Variants in CNTN5 observed in about 807,000 individuals in gnomAD.
CNTN5 encodes the protein contactin 5, also known as contactin-5.
CNTN5 carries 77 observed loss-of-function variants against 129.1 expected under a neutral mutation model. The ratio of observed to expected loss-of-function variants is 0.60; its 90% CI spans 0.50 to 0.72. CNTN5 has a LOEUF of 0.72. Among genes scored for constraint, CNTN5 ranks in the 30% least tolerant of loss-of-function variants. The pLI, the probability that CNTN5 is intolerant of heterozygous loss-of-function variation, is 0.00. For synonymous variants in CNTN5, 509 were observed against 465.6 expected (o/e 1.09, Z -1.20); for missense variants, 1,478 against 1,328.8 (o/e 1.11, Z -1.75).
intron 6 of CNTN5, among the ~76,000 whole-genome samples, chr11:99,895,953 C>T (rs752306542): frequency 1.3e-5 from 2 of 152,194 alleles, no homozygotes; most frequent in Non-Finnish European, 2.9e-5. Context: ...GTCCTTGCCT[C>T]TGCAGCTCCT....
At chr11:99,577,274 T>C (rs1015150202) in intron 3 of CNTN5, among the ~76,000 whole-genome samples, 1 of 152,172 alleles carries the variant, frequency 6.6e-6, no homozygotes, top group African/African-American at 2.4e-5. Flanking sequence ...CTTGTGTCCT[T>C]TGACACATTA....
chr11:99,052,061 A>G (rs925199084), intron 1 of CNTN5, among the ~76,000 whole-genome samples: 1 of 151,906 alleles, frequency 6.6e-6, no homozygotes, highest in African/African-American at 2.4e-5. Context: ...TAGTTATGCT[A>G]AGGCAGTTGT....
chr11:99,054,470 C>G (rs557476962), intron 1 of CNTN5, among the ~76,000 whole-genome samples: 2 of 152,026 alleles, frequency 1.3e-5, no homozygotes, highest in African/African-American at 4.8e-5. Flanking sequence ...TCTATATGGA[C>G]TTACACTTGT....
In CNTN5 at chr11:99,675,013, G is replaced by GGTTTC. The variant is rs147793466; in HGVS notation, c.55+118748_55+118749insCGTTT. ...TCATTATATTAGGAGGCATTTTTCT[G>GGTTTC]GTTTTGTTTTGTTTTGTTTTGTTTT... On this transcript the variant is annotated intron_variant, in intron 3 of 24. Transcript: ENST00000524871. 2.7e-5 allele frequency among the ~76,000 whole-genome samples: 4 copies of GGTTTC among 149,578 alleles called. No homozygotes were observed. The South Asian group carries it at 8.5e-4, about 32-fold the overall frequency.
chr11:100,232,725 G>A (rs969002597), intron 16 of CNTN5, among the ~76,000 whole-genome samples: 6 of 152,100 alleles, frequency 3.9e-5, no homozygotes, highest in Non-Finnish European at 8.8e-5. Context: ...CTATGATCTA[G>A]CTAAACATGA....
At chr11:100,044,178 AT>A (rs1289842836) in intron 9 of CNTN5, among the ~76,000 whole-genome samples, 14 of 151,954 alleles carry the variant, frequency 9.2e-5, no homozygotes, top group African/African-American at 3.1e-4. Context: ...ATGTATATAT[AT>A]ATATACGTGA....
At chr11:99,637,473 C>T (rs1951605780) in intron 3 of CNTN5, among the ~76,000 whole-genome samples, 1 of 152,104 alleles carries the variant, frequency 6.6e-6, no homozygotes, top group East Asian at 1.9e-4. Context: ...TGGGAGAACT[C>T]ACATCCAGCT....
At chr11:99,659,586 G>GT (rs1459241775) in intron 3 of CNTN5, among the ~76,000 whole-genome samples, 2 of 152,142 alleles carry the variant, frequency 1.3e-5, no homozygotes, top group East Asian at 3.9e-4. Flanking sequence ...AATCTGTGGA[G>GT]TAGGCTGGCA....
intron 3 of CNTN5, among the ~76,000 whole-genome samples, chr11:99,803,491 A>C (rs905025448): frequency 6.6e-6 from 1 of 152,246 alleles, no homozygotes; most frequent in Non-Finnish European, 1.5e-5. Flanking sequence ...GGGTCACTAA[A>C]GAATTACTGA....
intron 1 of CNTN5, among the ~76,000 whole-genome samples, chr11:99,196,426 A>T (rs879672903): frequency 6.6e-6 from 1 of 151,914 alleles, no homozygotes; most frequent in South Asian, 2.1e-4. Flanking sequence ...CTGTGCATGT[A>T]TGCATTTTTC....
intron 18 of CNTN5, among the ~76,000 whole-genome samples, chr11:100,280,203 A>G (rs1950605678): frequency 6.6e-6 from 1 of 151,922 alleles, no homozygotes; most frequent in Admixed American, 6.6e-5. Context: ...TTTGGTCCAC[A>G]TTGTAAATTA....
chr11:99,281,779 T>G (rs2135890464), intron 1 of CNTN5, among the ~76,000 whole-genome samples: 1 of 152,208 alleles, frequency 6.6e-6, no homozygotes, highest in African/African-American at 2.4e-5. Flanking sequence ...TTATTAGAAC[T>G]ATTTTGAAGT....
At position 99,879,594 on chromosome 11, in the gene CNTN5, G is replaced by GTT. The variant is rs150022298; in HGVS notation, c.577+34339_577+34340dup. ...TAGTGCGAACTGTGTTTGAGTTTGG[G>GTT]TTTTTTTTCTGATTTGTTTCATTTT... On this transcript the variant is annotated intron_variant, in intron 6 of 24. Transcript: ENST00000524871. Among the ~76,000 whole-genome samples the GTT allele has an allele frequency of 2.0e-5, 3 of 151,694 alleles. No homozygotes were observed. The South Asian group carries it at 6.3e-4, about 32-fold the overall frequency.
chr11:100,110,443 C>T (rs924166681), intron 13 of CNTN5, among the ~76,000 whole-genome samples: 1 of 151,450 alleles, frequency 6.6e-6, no homozygotes, highest in East Asian at 1.9e-4. Flanking sequence ...TTTTCTGATA[C>T]ATGGTTAAGC....
intron 20 of CNTN5, among the ~76,000 whole-genome samples, chr11:100,300,437 C>G (rs1341580598): frequency 1.3e-5 from 2 of 151,466 alleles, no homozygotes; most frequent in Non-Finnish European, 3.0e-5. Context: ...CCAAAGGCAG[C>G]ATTCACTTTC....
intron 7 of CNTN5, among the ~76,000 whole-genome samples, chr11:99,951,581 C>A (rs1349861579): frequency 6.6e-6 from 1 of 152,072 alleles, no homozygotes; most frequent in Non-Finnish European, 1.5e-5. Context: ...GATTGGACTA[C>A]CTAAAATTTA....
At chr11:99,835,536 G>C (rs181082336) in intron 4 of CNTN5, among the ~76,000 whole-genome samples, 1 of 152,180 alleles carries the variant, frequency 6.6e-6, no homozygotes, top group Non-Finnish European at 1.5e-5. Context: ...TGAGTCTATA[G>C]TGAATGTCAG....
At chr11:99,263,733 C>T (rs769936884) in intron 1 of CNTN5, among the ~76,000 whole-genome samples, 4 of 152,102 alleles carry the variant, frequency 2.6e-5, no homozygotes, top group Admixed American at 1.3e-4. Flanking sequence ...TCTCCCACTT[C>T]AGCCCCACAA....
rs187619183 is a variant in CNTN5 at position 99,408,308 on chromosome 11, T to A, written c.-71+82824T>A. On this transcript the variant is annotated intron_variant, in intron 2 of 24. Transcript: ENST00000524871. ...ATCATAGCTCACTGCAGCCTGGAACTTCCACCTCAGCCTTCTGAGTGGCTA... is the reference window on the plus strand; with the variant it reads ...ATCATAGCTCACTGCAGCCTGGAACATCCACCTCAGCCTTCTGAGTGGCTA... Among the ~76,000 whole-genome samples, 986 of 149,566 alleles carry A rather than the reference T, an allele frequency of 6.6e-3. 6 individuals carry two copies. Among genetic ancestry groups the A allele is most frequent in the South Asian group, 0.015 (70 of 4,732 alleles).
Sources: allele counts gnomAD v4.1 joint callset (sites outside exome capture counted in the v4.1 genomes callset), GRCh38; gene constraint gnomAD v4.1.1; transcripts MANE v1.5; gene names NCBI Gene and HGNC (gene_info 2026-07-23, HGNC 2026-07-21).